NR4A1: variants seen among roughly 807,000 people sequenced by gnomAD.
NR4A1 encodes the protein nuclear receptor subfamily 4immunitygroup A member 1.
In NR4A1, 24 loss-of-function variants were observed where a neutral mutation model predicts 47.5. That is an observed-to-expected ratio of 0.50 (90% confidence interval 0.37 to 0.71). NR4A1 has a LOEUF of 0.71. Among genes scored for constraint, NR4A1 ranks in the 30% least tolerant of loss-of-function variants. NR4A1 has a pLI of 0.00. For missense variants in NR4A1, 669 were observed against 788.6 expected, an observed-to-expected ratio of 0.85 and a Z score of 1.82; for synonymous variants, 353 against 345.7, an observed-to-expected ratio of 1.02 and a Z score of -0.24.
chr12:52,050,897 G>A (rs1592298539), upstream of NR4A1, among the ~76,000 whole-genome samples: 1 of 152,192 alleles, frequency 6.6e-6, no homozygotes, highest in Non-Finnish European at 1.5e-5. Context: ...CGACACCCTA[G>A]GGCTCCAGGA....
chr12:52,045,700 A>C (rs949927423), intron 2 of NR4A1: 4 of 309,960 alleles, frequency 1.3e-5, no homozygotes, highest in African/African-American at 6.6e-5. Context: ...GCTCTTCCAT[A>C]TTTCGCCCCT....
intron 2 of NR4A1, among the ~76,000 whole-genome samples, chr12:52,045,956 G>A (rs567810688): frequency 7.9e-5 from 12 of 152,348 alleles, no homozygotes; most frequent in African/African-American, 2.9e-4. Flanking sequence ...GCAGGAAGAG[G>A]AAGTGGCCGG....
At chr12:52,041,949 C>G (rs751285457) in intron 2 of NR4A1, 42 of 1,356,878 alleles carry the variant, frequency 3.1e-5, no homozygotes, top group Non-Finnish European at 3.9e-5. Context: ...CTGCTATTGT[C>G]CTTTGTACAC....
At chr12:52,047,625 G>T (rs1040806323), upstream of NR4A1, among the ~76,000 whole-genome samples, 2 of 152,244 alleles carry the variant, frequency 1.3e-5, no homozygotes, top group Non-Finnish European at 2.9e-5. Flanking sequence ...CAGGACTGCA[G>T]CCTCCATAAC....
chr12:52,052,820 A>G (rs1232999513), intron 1 of NR4A1, among the ~76,000 whole-genome samples: 1 of 152,220 alleles, frequency 6.6e-6, no homozygotes, highest in Admixed American at 6.5e-5. Flanking sequence ...ATCCCTGGCC[A>G]GGCTGTCCTA....
At chr12:52,052,318 A>G (rs967672607) in intron 1 of NR4A1, among the ~76,000 whole-genome samples, 21 of 150,414 alleles carry the variant, frequency 1.4e-4, no homozygotes, top group Non-Finnish European at 5.9e-5. Flanking sequence ...AGAGAGAGAG[A>G]GAGAGAGAGA....
upstream of NR4A1, among the ~76,000 whole-genome samples, chr12:52,051,020 C>A (rs1044214553): frequency 1.4e-4 from 21 of 152,158 alleles, no homozygotes; most frequent in Non-Finnish European, 2.6e-4. Flanking sequence ...CCGGGGAAGC[C>A]CCGCGGCCGC....
At chr12:52,037,730 C>T (rs1347711669) in intron 1 of NR4A1, 3 of 985,410 alleles carry the variant, frequency 3.0e-6, no homozygotes, top group Non-Finnish European at 3.6e-6. Context: ...CCGCCGGCTG[C>T]GGGAACCGGT....
At chr12:52,027,895 A>C (rs1477069569) in intron 1 of NR4A1, among the ~76,000 whole-genome samples, 1 of 152,136 alleles carries the variant, frequency 6.6e-6, no homozygotes, top group Non-Finnish European at 1.5e-5. Flanking sequence ...TATGGTGATC[A>C]TATGTTAAGA....
At position 52,038,632 on chromosome 12, in the gene NR4A1, C is replaced by T. The variant is rs1565641897; in HGVS notation, c.-83-3178C>T. The T allele has an allele frequency of 7.0e-6, 5 of 718,612 alleles. No homozygotes were observed. In the East Asian group the frequency reaches 1.3e-4, roughly 18 times the overall value. The allele number at this position is 718,612 out of a possible 1,614,324, so 44.5% of individuals were successfully genotyped here. On this transcript the variant is annotated intron_variant, in intron 1 of 7. Coordinates refer to the NR4A1 transcript ENST00000360284. ...TGCTCCTAGATCTACTCCAAGTGAA[C>T]ATTTAAGATCAGTGACTTGGATGGA...
At chr12:52,029,994 C>A (rs1938085674) in intron 1 of NR4A1, among the ~76,000 whole-genome samples, 1 of 152,200 alleles carries the variant, frequency 6.6e-6, no homozygotes, top group Non-Finnish European at 1.5e-5. Flanking sequence ...AGCAGCACAC[C>A]CCTAGAAGTG....
chr12:52,055,037 T>C lies in NR4A1; in HGVS notation c.709T>C (p.Ser237Pro), dbSNP rs1445549072. Residue 237 changes from serine (S) to proline (P), a missense_variant, in exon 2 of 7, where the codon TCT becomes CCT. Ser to Pro is a moderately conservative substitution (Grantham distance 74). Transcript: ENST00000394825. Reference protein sequence around the residue: ...PTAFPGLAPTSPHLEGSGILD... With the variant: ...PTAFPGLAPTPPHLEGSGILD... Reference sequence around the variant, plus strand: ...GGCCTTCCCAGGTTTGGCACCCACTTCTCCACACCTTGAGGGCTCGGGGAT... The same window carrying C: ...GGCCTTCCCAGGTTTGGCACCCACTCCTCCACACCTTGAGGGCTCGGGGAT... 1 of 1,613,886 alleles carries C rather than the reference T, an allele frequency of 6.2e-7. No individual in the cohort carries two copies. Among genetic ancestry groups the C allele is most frequent in the African/African-American group, 1.3e-5 (1 of 74,884 alleles).
Position 52,041,796 on chromosome 12 carries a change from C to T in NR4A1, c.-83-14C>T, listed in dbSNP as rs752519809. ...GCTGGTTTCTCTTCACTCACATCGA[C>T]TCTCCCTCTGTAGGCCTCCACCATG... On this transcript the variant is annotated splice_polypyrimidine_tract_variant and intron_variant, in intron 1 of 7. Transcript: ENST00000360284. The T allele has an allele frequency of 3.7e-6, 5 of 1,338,142 alleles. No homozygotes were observed. The South Asian group carries it at 1.1e-4, about 30-fold the overall frequency. 82.9% of individuals were successfully genotyped at this position (1,338,142 alleles called of 1,614,324 possible). A position where few individuals can be genotyped will look rare whatever the true frequency, so the allele number is the denominator to read the frequency against.
chr12:52,030,816 G>T (rs765278049), intron 1 of NR4A1, among the ~76,000 whole-genome samples: 5 of 152,176 alleles, frequency 3.3e-5, no homozygotes, highest in Non-Finnish European at 5.9e-5. Context: ...AAGGAAAAAA[G>T]TCATCGGCAC....
At chr12:52,046,274 T>C (rs1031911466) in intron 2 of NR4A1, among the ~76,000 whole-genome samples, 4 of 152,188 alleles carry the variant, frequency 2.6e-5, no homozygotes, top group South Asian at 4.1e-4. Flanking sequence ...GGCTGCTCAC[T>C]TGGGGCCTGC....
At chr12:52,049,726 A>C (rs1049540700), upstream of NR4A1, among the ~76,000 whole-genome samples, 2 of 152,246 alleles carry the variant, frequency 1.3e-5, no homozygotes, top group Non-Finnish European at 1.5e-5. Flanking sequence ...GAATTTCAGG[A>C]AACAGTGAAA....
chr12:52,032,677 T>C (rs948371229), intron 1 of NR4A1, among the ~76,000 whole-genome samples: 1 of 152,234 alleles, frequency 6.6e-6, no homozygotes, highest in Non-Finnish European at 1.5e-5. Flanking sequence ...TTCTCCGAAG[T>C]ATGTTCCAGC....
At position 52,043,777 on chromosome 12, in the gene NR4A1, C is replaced by T. The variant is rs1327348350; in HGVS notation, c.37+1848C>T. 7.8e-6 allele frequency: 10 copies of T among 1,285,884 alleles called. No individual in the cohort carries two copies. The East Asian group carries it at 5.6e-4, about 72-fold the overall frequency. 79.7% of individuals were successfully genotyped at this position (1,285,884 alleles called of 1,614,324 possible). A position where few individuals can be genotyped will look rare whatever the true frequency, so the allele number is the denominator to read the frequency against. ...AGCCTCGGCTGTGAGGATAGGCTGG[C>T]TGGGCAGCACGTCTCTCCCCACAGG... On this transcript the variant is annotated intron_variant, in intron 2 of 7. Transcript: ENST00000360284.
rs940070083 is a variant in NR4A1 at position 52,059,050 on chromosome 12, G to C, written c.*106G>C. On this transcript the variant is annotated 3_prime_UTR_variant, in exon 7 of 7. Coordinates refer to ENST00000394825, the MANE Select transcript of NR4A1 (RefSeq NM_173157.3). ...CCCCCAAGCCTGGGCTTGAGCTGCAGAATGACTCCACCTTCTCACCTGCTC... is the reference window on the plus strand; with the variant it reads ...CCCCCAAGCCTGGGCTTGAGCTGCACAATGACTCCACCTTCTCACCTGCTC... 37 of 1,373,944 alleles carry C rather than the reference G, an allele frequency of 2.7e-5. No individual in the cohort carries two copies. The highest frequency in any genetic ancestry group is 3.1e-5 in the Non-Finnish European group (32 of 1,023,496). 85.1% of individuals were successfully genotyped at this position (1,373,944 alleles called of 1,614,324 possible). A position where few individuals can be genotyped will look rare whatever the true frequency, so the allele number is the denominator to read the frequency against.
Sources: allele counts gnomAD v4.1 joint callset (sites outside exome capture counted in the v4.1 genomes callset), GRCh38; gene constraint gnomAD v4.1.1; transcripts MANE v1.5; gene names NCBI Gene and HGNC (gene_info 2026-07-23, HGNC 2026-07-21).